RNF103: variants seen among roughly 807,000 people sequenced by gnomAD.
RNF103 encodes E3 ubiquitin-protein ligase RNF103.
Under a neutral mutation model 66.2 loss-of-function variants are expected in RNF103, and 23 were observed. That is an observed-to-expected ratio of 0.35 (90% confidence interval 0.25 to 0.49). RNF103 has a LOEUF of 0.49. RNF103 is among the 20% of genes least tolerant of loss of function. The pLI is 0.98. For synonymous variants in RNF103, 297 were observed against 289.9 expected (o/e 1.02, Z -0.25); for missense variants, 730 against 814.7 (o/e 0.90, Z 1.27).
intron 2 of RNF103, chr2:86,617,115 T>C (rs953474709): frequency 2.0e-6 from 2 of 984,986 alleles, no homozygotes; most frequent in Admixed American, 1.2e-4. Context: ...GTGTCATTGG[T>C]AAAGATGTCA....
At chr2:86,606,480 T>C (rs146318468) in intron 3 of RNF103, among the ~76,000 whole-genome samples, 2,381 of 152,058 alleles carry the variant, frequency 0.016, 37 homozygotes, top group African/African-American at 0.039. Context: ...CTGGCCAACA[T>C]GGTGAAACCC....
In RNF103 at chr2:86,603,776, T is replaced by C. The variant is rs1251377163; in HGVS notation, c.*67A>G. 3.9e-6 allele frequency: 6 copies of C among 1,529,424 alleles called. No homozygotes were observed. Among genetic ancestry groups the C allele is most frequent in the Middle Eastern group, 1.8e-4 (1 of 5,672 alleles). 94.7% of individuals were successfully genotyped at this position (1,529,424 alleles called of 1,614,324 possible). ...AACTAAACTTCAAACCACAAAAACA[T>C]TGTGACTAACATTAAAAAGGCAAGC... On this transcript the variant is annotated 3_prime_UTR_variant, in exon 4 of 4. Transcript: ENST00000237455.
chr2:86,605,570 C>G (rs1435626405), intron 3 of RNF103, 152 bp from the exon 4 acceptor site: 4 of 661,030 alleles, frequency 6.1e-6, no homozygotes, highest in East Asian at 6.0e-5. Context: ...GAAAAACAAG[C>G]TCTGTTTTTC....
intron 3 of RNF103, among the ~76,000 whole-genome samples, chr2:86,605,699 G>A (rs957659861): frequency 1.3e-5 from 2 of 151,986 alleles, no homozygotes; most frequent in Non-Finnish European, 2.9e-5. Context: ...CTACAACTGC[G>A]TTATGTGCTA....
intron 2 of RNF103, among the ~76,000 whole-genome samples, chr2:86,619,442 G>A (rs1172757074): frequency 2.0e-5 from 3 of 152,086 alleles, no homozygotes; most frequent in African/African-American, 7.2e-5. Context: ...CATGACCTTG[G>A]GCAAGCTACT....
intron 2 of RNF103, chr2:86,613,279 T>C (rs1041580692): frequency 6.6e-6 from 1 of 152,196 alleles, no homozygotes; most frequent in Non-Finnish European, 1.5e-5. Flanking sequence ...ACTTCTCTTA[T>C]AAGTGTCAGC....
intron 2 of RNF103, 30 bp from the exon 3 acceptor site, chr2:86,612,304 T>A (rs1348277308): frequency 7.5e-7 from 1 of 1,341,570 alleles, no homozygotes; most frequent in African/African-American, 1.5e-5. Context: ...AAAAGAAACT[T>A]GAATTACCTA....
chr2:86,623,075 G>A lies in RNF103; in HGVS notation c.-189C>T. On this transcript the variant is annotated 5_prime_UTR_variant, in exon 1 of 4. Coordinates refer to ENST00000237455, the MANE Select transcript of RNF103 (RefSeq NM_005667.4). ...GACGGGATCCGCGCGGGCGCGAGGC[G>A]GCGACGAGGGACGCAGAGACGCAGA... 3 of 1,297,210 alleles carry A rather than the reference G, an allele frequency of 2.3e-6. No homozygotes were observed. The highest frequency in any genetic ancestry group is 2.9e-6 in the Non-Finnish European group (3 of 1,028,312). 80.4% of individuals were successfully genotyped at this position (1,297,210 alleles called of 1,614,324 possible).
At chr2:86,605,611 T>A (rs1438466224) in intron 3 of RNF103, among the ~76,000 whole-genome samples, 193 bp from the exon 4 acceptor site, 4 of 152,214 alleles carry the variant, frequency 2.6e-5, no homozygotes, top group African/African-American at 9.6e-5. Flanking sequence ...TGTTTCTTTT[T>A]TTTTTATTAA....
intron 2 of RNF103, chr2:86,617,333 C>T (rs996593237): frequency 7.8e-5 from 77 of 984,886 alleles, no homozygotes; most frequent in Non-Finnish European, 9.2e-5. Context: ...CAGTGGTCTC[C>T]CCTTACCCTC....
chr2:86,623,357 G>C lies in RNF103; in HGVS notation c.-471C>G. On this transcript the variant is annotated 5_prime_UTR_variant, in exon 1 of 4. Coordinates refer to ENST00000237455, the MANE Select transcript of RNF103 (RefSeq NM_005667.4). Reference sequence around the variant, plus strand: ...GAGGCGGGGATCCGGGCGGCAGGCCGGGGCCCGAGGGGCCGTGGGGGCCGG... The same window carrying C: ...GAGGCGGGGATCCGGGCGGCAGGCCCGGGCCCGAGGGGCCGTGGGGGCCGG... The C allele has an allele frequency of 2.0e-6, 2 of 982,646 alleles. No individual in the cohort carries two copies. The highest frequency in any genetic ancestry group is 2.4e-6 in the Non-Finnish European group (2 of 828,362). 60.9% of individuals were successfully genotyped at this position (982,646 alleles called of 1,614,324 possible).
intron 3 of RNF103, among the ~76,000 whole-genome samples, chr2:86,611,034 G>T (rs1442064303): frequency 6.6e-6 from 1 of 150,940 alleles, no homozygotes; most frequent in East Asian, 1.9e-4. Context: ...AAATTAGCCA[G>T]GTGTGGTGAT....
intron 2 of RNF103, chr2:86,617,949 T>C (rs1679087782): frequency 3.3e-6 from 2 of 611,944 alleles, no homozygotes; most frequent in Non-Finnish European, 5.4e-6. Context: ...ATTTGACAGA[T>C]GTAAGCCACT....
chr2:86,609,051 A>G (rs1244133630), intron 3 of RNF103, among the ~76,000 whole-genome samples: 3 of 152,180 alleles, frequency 2.0e-5, no homozygotes, highest in African/African-American at 7.2e-5. Context: ...CCAGTGTGGC[A>G]GTGTTGAGAG....
intron 2 of RNF103, chr2:86,617,584 C>G: frequency 2.3e-6 from 2 of 883,220 alleles, no homozygotes; most frequent in Non-Finnish European, 2.7e-6. Flanking sequence ...CAGGCATCCA[C>G]TGGGGGTCTT....
Position 86,609,383 on chromosome 2 carries a change from TA to T in RNF103, c.482+2775del, listed in dbSNP as rs575925878. ...TCTTCATAAATTACTCAGCCTCAGG[TA>T]TTTTTTTTTTTTTTTTTTGAGACAG... On this transcript the variant is annotated intron_variant, in intron 3 of 3. Coordinates refer to ENST00000237455, the MANE Select transcript of RNF103 (RefSeq NM_005667.4). Among the ~76,000 whole-genome samples, 20 of 141,870 alleles carry T rather than the reference TA, an allele frequency of 1.4e-4. 1 individual carries two copies. The highest frequency in any genetic ancestry group is 1.0e-3 in the Admixed American group (15 of 14,754). The allele number at this position is 141,870 out of a possible 152,430, so 93.1% of individuals were successfully genotyped here.
intron 2 of RNF103, among the ~76,000 whole-genome samples, chr2:86,619,643 A>G (rs548116303): frequency 5.1e-4 from 78 of 152,340 alleles, no homozygotes; most frequent in Middle Eastern, 3.4e-3. Context: ...TTATGTTAAT[A>G]TAATTTTTCT....
intron 2 of RNF103, chr2:86,618,206 C>T (rs906611046): frequency 4.0e-6 from 1 of 248,484 alleles, no homozygotes; most frequent in African/African-American, 2.3e-5. Context: ...TCCTTCACTT[C>T]ATTTGTCACC....
intron 1 of RNF103, among the ~76,000 whole-genome samples, chr2:86,620,946 G>A (rs1679208871): frequency 6.6e-6 from 1 of 152,130 alleles, no homozygotes; most frequent in African/African-American, 2.4e-5. Context: ...GGGTTTGTAT[G>A]ACTTGGAGGT....
Sources: gnomAD v4.1 joint callset for allele counts (sites outside exome capture counted in the v4.1 genomes callset) on GRCh38, gnomAD v4.1.1 for gene constraint, MANE v1.5 for transcripts, NCBI Gene and HGNC (gene_info 2026-07-23, HGNC 2026-07-21) for gene names.